Variants in RAPH1 observed in about 807,000 individuals in gnomAD.
The protein encoded by RAPH1 is ras-associated and pleckstrin homology domains-containing protein 1.
RAPH1 carries 18 observed loss-of-function variants against 88.1 expected under a neutral mutation model. The ratio of observed to expected loss-of-function variants is 0.20; its 90% confidence interval spans 0.14 to 0.30. RAPH1 has a LOEUF of 0.30. Ranked by LOEUF, RAPH1 falls within the 10% of genes least tolerant of loss-of-function variation. The pLI, the probability that RAPH1 is intolerant of heterozygous loss-of-function variation, is 1.00. For missense variants in RAPH1, 1,448 were observed against 1,543.2 expected (o/e 0.94, Z 1.03); for synonymous variants, 587 against 559.0 (o/e 1.05, Z -0.71).
intron 1 of RAPH1, among the ~76,000 whole-genome samples, chr2:203,509,371 A>T (rs535204959): frequency 6.6e-6 from 1 of 152,310 alleles, no homozygotes; most frequent in Non-Finnish European, 1.5e-5. Flanking sequence ...CTAAAAAAAT[A>T]AGTAATTTTT....
intron 4 of RAPH1, among the ~76,000 whole-genome samples, chr2:203,480,102 A>T (rs575953964): frequency 4.3e-4 from 65 of 152,348 alleles, no homozygotes; most frequent in Non-Finnish European, 9.3e-4. Context: ...GTTTGATAAA[A>T]ACTTTCTATC....
At chr2:203,457,447 G>A in intron 8 of RAPH1, 83 bp downstream of exon 8, 4 of 1,056,576 alleles carry the variant, frequency 3.8e-6, no homozygotes, top group Non-Finnish European at 5.9e-6. Context: ...GCCTCCCGAA[G>A]TGTTGGGATT....
intron 4 of RAPH1, among the ~76,000 whole-genome samples, chr2:203,488,583 T>C (rs1487389023): frequency 1.1e-5 from 1 of 89,150 alleles, no homozygotes; most frequent in African/African-American, 4.9e-5. Context: ...TGAGACTCCG[T>C]CTATTAAAAA....
chr2:203,523,159 C>T (rs973405478), intron 1 of RAPH1, among the ~76,000 whole-genome samples: 5 of 151,742 alleles, frequency 3.3e-5, no homozygotes, highest in African/African-American at 9.7e-5. Context: ...TTTGGGAGGC[C>T]GAGGCGGGCG....
chr2:203,514,585 C>T (rs1196777447), intron 1 of RAPH1, among the ~76,000 whole-genome samples: 3 of 151,984 alleles, frequency 2.0e-5, no homozygotes, highest in African/African-American at 4.8e-5. Flanking sequence ...GACGGAGTCT[C>T]GCTGTGTCGC....
At chr2:203,475,055 G>A (rs1187316387) in intron 4 of RAPH1, among the ~76,000 whole-genome samples, 1 of 152,146 alleles carries the variant, frequency 6.6e-6, no homozygotes, top group Non-Finnish European at 1.5e-5. Context: ...AGATTGCAGT[G>A]AGCCGAGATG....
chr2:203,485,641 T>C (rs1257007183), intron 4 of RAPH1, among the ~76,000 whole-genome samples: 1 of 152,134 alleles, frequency 6.6e-6, no homozygotes, highest in Non-Finnish European at 1.5e-5. Context: ...AAGGTCATTT[T>C]CCACGAAGAA....
intron 2 of RAPH1, among the ~76,000 whole-genome samples, chr2:203,493,913 C>T (rs1351197799): frequency 7.6e-6 from 1 of 132,208 alleles, no homozygotes; most frequent in Non-Finnish European, 1.5e-5. Flanking sequence ...GGTGGTTGCA[C>T]TGAGCTGAGA....
In RAPH1 at chr2:203,439,280, G is replaced by C; in HGVS notation, c.*157C>G. 1.6e-6 allele frequency: 1 copy of C among 633,110 alleles called. No homozygotes were observed. The highest frequency in any genetic ancestry group is 2.8e-6 in the Non-Finnish European group (1 of 359,562). 39.2% of individuals were successfully genotyped at this position (633,110 alleles called of 1,614,324 possible). A position where few individuals can be genotyped will look rare whatever the true frequency, so the allele number is the denominator to read the frequency against. ...ATATATACACACACTGTACAGCTGT[G>C]TGTACATGCACGTGTACACACACAC... On this transcript the variant is annotated 3_prime_UTR_variant, in exon 14 of 14. Transcript: ENST00000319170.
intron 1 of RAPH1, among the ~76,000 whole-genome samples, chr2:203,527,177 C>T (rs768153435): frequency 6.6e-6 from 1 of 152,128 alleles, no homozygotes; most frequent in African/African-American, 2.4e-5. Flanking sequence ...CTGGGGTATA[C>T]GAACATCTTA....
rs543624682 is a variant in RAPH1, at chr2:203,461,532, A to C, written c.811-124T>G. 2.6e-4 allele frequency: 176 copies of C among 685,312 alleles called. No individual in the cohort carries two copies. In the African/African-American group the frequency reaches 3.0e-3, roughly 12 times the overall value. 42.5% of individuals were successfully genotyped at this position (685,312 alleles called of 1,614,324 possible). A position where few individuals can be genotyped will look rare whatever the true frequency, so the allele number is the denominator to read the frequency against. ...TATATAAATTAAAACACAAATAATGACTTCATTATGCAAAAATATAGGCTA... is the reference window on the plus strand; with the variant it reads ...TATATAAATTAAAACACAAATAATGCCTTCATTATGCAAAAATATAGGCTA... On this transcript the variant is annotated intron_variant, in intron 5 of 13. Coordinates refer to ENST00000319170, the MANE Select transcript of RAPH1 (RefSeq NM_213589.3).
At position 203,438,095 on chromosome 2, in the gene RAPH1, T is replaced by C. The variant is rs777044321; in HGVS notation, c.*1342A>G. On this transcript the variant is annotated 3_prime_UTR_variant, in exon 14 of 14. Transcript: ENST00000319170. ...CAAACTGCACACGCATAAAACGTAA[T>C]GTCAGTTACTGGACTTGGACTGTCC... is the stretch of plus-strand genomic sequence containing the variant. The C allele has an allele frequency of 3.9e-6, 2 of 516,298 alleles. No homozygotes were observed. Among genetic ancestry groups the C allele is most frequent in the Non-Finnish European group, 7.7e-6 (2 of 258,832 alleles). 32.0% of individuals were successfully genotyped at this position (516,298 alleles called of 1,614,324 possible). A position where few individuals can be genotyped will look rare whatever the true frequency, so the allele number is the denominator to read the frequency against.
At chr2:203,441,532 G>A (rs376019819) in intron 13 of RAPH1, 119 bp from the exon 14 acceptor site, 1 of 1,401,152 alleles carries the variant, frequency 7.1e-7, no homozygotes, top group Non-Finnish European at 9.2e-7. Context: ...TGCATGAAAA[G>A]GATGCAGAAG....
chr2:203,490,125 T>C (rs1303506618), intron 3 of RAPH1, 36 bp from the exon 4 acceptor site: 1 of 1,529,962 alleles, frequency 6.5e-7, no homozygotes, highest in African/African-American at 1.4e-5. Flanking sequence ...CCAGAATTTA[T>C]ACATTCTATT....
intron 4 of RAPH1, among the ~76,000 whole-genome samples, chr2:203,467,415 A>G (rs1298150882): frequency 6.6e-6 from 1 of 150,678 alleles, no homozygotes; most frequent in African/African-American, 2.5e-5. Flanking sequence ...TGATAGCGAA[A>G]CCCCGTCTCT....
chr2:203,444,739 G>T, intron 13 of RAPH1, 129 bp downstream of exon 13: 1 of 774,238 alleles, frequency 1.3e-6, no homozygotes, highest in Non-Finnish European at 2.1e-6. Flanking sequence ...CAATTAGGAA[G>T]ATTGAAAATT....
At chr2:203,450,547 C>T (rs905659712) in intron 10 of RAPH1, among the ~76,000 whole-genome samples, 19 of 152,198 alleles carry the variant, frequency 1.2e-4, no homozygotes, top group African/African-American at 4.3e-4. Flanking sequence ...GGGGATTTTA[C>T]CTCATTCATT....
chr2:203,533,786 T>C (rs1372410227), intron 1 of RAPH1, among the ~76,000 whole-genome samples: 1 of 152,076 alleles, frequency 6.6e-6, no homozygotes, highest in Non-Finnish European at 1.5e-5. Flanking sequence ...TAAGGTGCTG[T>C]TAAACACCTC....
In RAPH1 at chr2:203,478,036, G is replaced by GT. The variant is rs71408938; in HGVS notation, c.732+11547dup. On this transcript the variant is annotated intron_variant, in intron 4 of 13. Transcript: ENST00000319170. ...TTCTCAAAGTCATCAATAACTTTTT[G>GT]TTTTTTTTTTTTTTGAGACGGAGTC... Among the ~76,000 whole-genome samples the GT allele has an allele frequency of 8.2e-3, 1,150 of 140,202 alleles. 5 individuals carry two copies. Among genetic ancestry groups the GT allele is most frequent in the Non-Finnish European group, 0.01 (657 of 63,882 alleles). The allele number at this position is 140,202 out of a possible 152,430, so 92.0% of individuals were successfully genotyped here. A position where few individuals can be genotyped will look rare whatever the true frequency, so the allele number is the denominator to read the frequency against.
Sources: gnomAD v4.1 joint callset for allele counts (sites outside exome capture counted in the v4.1 genomes callset) on GRCh38, gnomAD v4.1.1 for gene constraint, MANE v1.5 for transcripts, NCBI Gene and HGNC (gene_info 2026-07-23, HGNC 2026-07-21) for gene names.